The following LRRC4C variants were observed in gnomAD, a reference collection of about 807,000 sequenced individuals.
LRRC4C encodes the protein leucine rich repeat containing 4C.
Under a neutral mutation model 33.6 loss-of-function variants are expected in LRRC4C, and 5 were observed. The observed-to-expected ratio is 0.15, with a 90% CI of 0.08 to 0.31. The LOEUF (loss-of-function observed/expected upper bound fraction) is 0.31. Ranked by LOEUF, LRRC4C falls within the 10% of genes least tolerant of loss-of-function variation. The pLI is 1.00. For synonymous variants in LRRC4C, 329 were observed against 302.0 expected (o/e 1.09, Z -0.93); for missense variants, 560 against 796.7 (o/e 0.70, Z 3.58).
At chr11:40,127,633 T>C (rs1458173546) in intron 6 of LRRC4C, among the ~76,000 whole-genome samples, 1 of 152,164 alleles carries the variant, frequency 6.6e-6, no homozygotes, top group Non-Finnish European at 1.5e-5. Context: ...GAGAAGACTT[T>C]GATGAGAAAG....
chr11:41,385,409 G>A (rs910486896), intron 1 of LRRC4C, among the ~76,000 whole-genome samples: 5 of 151,404 alleles, frequency 3.3e-5, no homozygotes, highest in South Asian at 2.1e-4. Context: ...CAAATGCTTG[G>A]TGTGATACAG....
chr11:40,566,612 G>A (rs986987386), intron 3 of LRRC4C, among the ~76,000 whole-genome samples: 2 of 152,070 alleles, frequency 1.3e-5, no homozygotes, highest in Non-Finnish European at 2.9e-5. Context: ...AATGGAACTA[G>A]ACAAGAAGAG....
At chr11:40,161,723 C>A (rs1859172709) in intron 5 of LRRC4C, among the ~76,000 whole-genome samples, 1 of 152,078 alleles carries the variant, frequency 6.6e-6, no homozygotes, top group South Asian at 2.1e-4. Context: ...CGCCACTGCA[C>A]TTCAGCCTGG....
chr11:41,292,757 T>C (rs2137018338), intron 1 of LRRC4C, among the ~76,000 whole-genome samples: 1 of 152,256 alleles, frequency 6.6e-6, no homozygotes, highest in Middle Eastern at 3.4e-3. Flanking sequence ...TGGATCATAA[T>C]AAAATTCAGA....
At chr11:40,800,178 G>C (rs183825939) in intron 2 of LRRC4C, among the ~76,000 whole-genome samples, 24 of 152,218 alleles carry the variant, frequency 1.6e-4, no homozygotes, top group Non-Finnish European at 2.9e-4. Context: ...CTTTCCCACT[G>C]ATTGTGAGGG....
intron 6 of LRRC4C, among the ~76,000 whole-genome samples, chr11:40,119,450 A>G (rs1855668645): frequency 6.6e-6 from 1 of 151,922 alleles, no homozygotes; most frequent in Non-Finnish European, 1.5e-5. Context: ...ACGATCTGGT[A>G]CTGTGATTAT....
intron 2 of LRRC4C, among the ~76,000 whole-genome samples, chr11:40,823,623 A>C (rs1272618504): frequency 6.6e-6 from 1 of 151,828 alleles, no homozygotes; most frequent in African/African-American, 2.4e-5. Flanking sequence ...CATTAGAGAA[A>C]TGCAAATCAA....
intron 6 of LRRC4C, among the ~76,000 whole-genome samples, chr11:40,117,700 A>G (rs1855532723): frequency 6.6e-6 from 1 of 151,862 alleles, no homozygotes; most frequent in South Asian, 2.1e-4. Flanking sequence ...TTGGAAAGAA[A>G]AAAAAAAGGG....
intron 5 of LRRC4C, among the ~76,000 whole-genome samples, chr11:40,172,217 A>G (rs1860105223): frequency 6.6e-6 from 1 of 152,196 alleles, no homozygotes; most frequent in Admixed American, 6.5e-5. Flanking sequence ...CTGTGAGAAC[A>G]TTCTGTTATT....
chr11:40,132,098 CA>C (rs1426123583), intron 6 of LRRC4C, among the ~76,000 whole-genome samples: 7 of 152,042 alleles, frequency 4.6e-5, no homozygotes, highest in Admixed American at 2.0e-4. Context: ...TTTATGGCTG[CA>C]AAAAAGTTTA....
chr11:40,949,737 A>T (rs536207065), intron 1 of LRRC4C, among the ~76,000 whole-genome samples: 3 of 152,108 alleles, frequency 2.0e-5, no homozygotes, highest in African/African-American at 7.2e-5. Flanking sequence ...GGAAAGGAAC[A>T]ACCAGTACCA....
chr11:40,172,519 A>T (rs1228650882), intron 5 of LRRC4C, among the ~76,000 whole-genome samples: 1 of 151,356 alleles, frequency 6.6e-6, no homozygotes, highest in Non-Finnish European at 1.5e-5. Flanking sequence ...TTTTTTTAAG[A>T]TTATAATTTT....
chr11:40,474,245 C>T lies in LRRC4C; in HGVS notation c.-269-154524G>A, dbSNP rs540378617. On this transcript the variant is annotated intron_variant, in intron 3 of 6. Coordinates refer to ENST00000528697, the MANE Select transcript of LRRC4C (RefSeq NM_001258419.2). ...GTACCAAAACAGATATATAGACCAACGGAACAGAACAGAGGCCTCAGAAAT... is the reference window on the plus strand; with the variant it reads ...GTACCAAAACAGATATATAGACCAATGGAACAGAACAGAGGCCTCAGAAAT... Among the ~76,000 whole-genome samples, 72 of 152,088 alleles carry T rather than the reference C, an allele frequency of 4.7e-4. 1 individual carries two copies. Among genetic ancestry groups the T allele is most frequent in the African/African-American group, 1.5e-3 (64 of 41,514 alleles).
chr11:40,153,338 A>C (rs2135140907), intron 5 of LRRC4C, among the ~76,000 whole-genome samples: 1 of 152,260 alleles, frequency 6.6e-6, no homozygotes, highest in South Asian at 2.1e-4. Flanking sequence ...TCCAAATGAG[A>C]AGGAGCCAGA....
intron 2 of LRRC4C, among the ~76,000 whole-genome samples, chr11:40,830,054 T>A (rs989931668): frequency 3.9e-5 from 6 of 151,992 alleles, no homozygotes; most frequent in African/African-American, 1.4e-4. Flanking sequence ...CTCAGCAAGA[T>A]AACTTGCAGA....
At chr11:40,121,019 A>G (rs1249155737) in intron 6 of LRRC4C, among the ~76,000 whole-genome samples, 2 of 152,182 alleles carry the variant, frequency 1.3e-5, no homozygotes, top group African/African-American at 4.8e-5. Context: ...ATAAGAAGCA[A>G]TATATAATAA....
At chr11:40,285,532 A>G (rs1943779291) in intron 4 of LRRC4C, among the ~76,000 whole-genome samples, 1 of 152,180 alleles carries the variant, frequency 6.6e-6, no homozygotes, top group African/African-American at 2.4e-5. Flanking sequence ...AAATTTCTAG[A>G]TGCCTTATAA....
chr11:40,405,820 G>C (rs1255920890), intron 3 of LRRC4C, among the ~76,000 whole-genome samples: 1 of 151,222 alleles, frequency 6.6e-6, no homozygotes, highest in Non-Finnish European at 1.5e-5. Flanking sequence ...GGTGCAGCTG[G>C]GCTAATTTGG....
chr11:40,542,119 T>G (rs933957092), intron 3 of LRRC4C, among the ~76,000 whole-genome samples: 1 of 151,956 alleles, frequency 6.6e-6, no homozygotes, highest in Non-Finnish European at 1.5e-5. Flanking sequence ...TCTCACATTT[T>G]TTATATGACT....
Sources: gnomAD v4.1 joint callset for allele counts (sites outside exome capture counted in the v4.1 genomes callset) on GRCh38, gnomAD v4.1.1 for gene constraint, MANE v1.5 for transcripts, NCBI Gene and HGNC (gene_info 2026-07-23, HGNC 2026-07-21) for gene names.